CLASP1: variants seen among roughly 807,000 people sequenced by gnomAD.
CLASP1 encodes the protein CLIP-associating protein 1.
A neutral mutation model predicts 192.3 loss-of-function variants in CLASP1; 38 were observed. That is an observed-to-expected ratio of 0.20 (90% CI 0.15 to 0.26). The LOEUF is 0.26. Among genes scored for constraint, CLASP1 ranks in the 10% least tolerant of loss-of-function variants. The pLI, the probability that CLASP1 is intolerant of heterozygous loss-of-function variation, is 1.00. For missense variants in CLASP1, 1,433 were observed against 1,932.5 expected (o/e 0.74, Z 4.85); for synonymous variants, 691 against 712.8 (o/e 0.97, Z 0.49).
At chr2:121,596,341 C>T (rs960137114) in intron 2 of CLASP1, among the ~76,000 whole-genome samples, 1 of 152,198 alleles carries the variant, frequency 6.6e-6, no homozygotes. Flanking sequence ...AAAAAATGGA[C>T]AGTCTCTGAA....
Position 121,460,132 on chromosome 2 carries a change from G to T in CLASP1, c.1033-7C>A, listed in dbSNP as rs774919128. On this transcript the variant is annotated splice_polypyrimidine_tract_variant and splice_region_variant and intron_variant, in intron 11 of 39. Coordinates refer to ENST00000263710, the Ensembl canonical transcript of CLASP1. ...AAGATCTAATCTTTTTTAGCTAATGGAATAGAGAAAATTCAGAAAAATAGA... is the reference window on the plus strand; with the variant it reads ...AAGATCTAATCTTTTTTAGCTAATGTAATAGAGAAAATTCAGAAAAATAGA... 10 of 1,602,658 alleles carry T rather than the reference G, an allele frequency of 6.2e-6. No individual in the cohort carries two copies. The South Asian group carries it at 1.0e-4, about 16-fold the overall frequency.
chr2:121,501,273 A>G (rs1383318227), intron 8 of CLASP1, among the ~76,000 whole-genome samples: 3 of 152,212 alleles, frequency 2.0e-5, no homozygotes, highest in African/African-American at 7.2e-5. Flanking sequence ...CACAAATGAC[A>G]CAAATACACC....
chr2:121,412,144 T>C (rs917513203), intron 23 of CLASP1, among the ~76,000 whole-genome samples: 1 of 152,200 alleles, frequency 6.6e-6, no homozygotes, highest in African/African-American at 2.4e-5. Context: ...TGAATTGTTA[T>C]TTAGCTTTTT....
At chr2:121,564,370 T>A (rs923532000) in intron 2 of CLASP1, among the ~76,000 whole-genome samples, 1 of 152,238 alleles carries the variant, frequency 6.6e-6, no homozygotes, top group Non-Finnish European at 1.5e-5. Context: ...TCTCATATCA[T>A]GACTAAAATG....
At chr2:121,444,428 A>G (rs2083949323) in intron 19 of CLASP1, among the ~76,000 whole-genome samples, 1 of 152,210 alleles carries the variant, frequency 6.6e-6, no homozygotes, top group Non-Finnish European at 1.5e-5. Flanking sequence ...TAGAGGAGAG[A>G]AAAATATATT....
chr2:121,620,037 C>A (rs934505269), intron 1 of CLASP1, among the ~76,000 whole-genome samples: 10 of 152,062 alleles, frequency 6.6e-5, no homozygotes, highest in African/African-American at 2.4e-4. Flanking sequence ...GTCTGGCCAA[C>A]ATAGCGAAAC....
intron 9 of CLASP1, among the ~76,000 whole-genome samples, chr2:121,464,256 T>C (rs1356592896): frequency 6.6e-6 from 1 of 151,994 alleles, no homozygotes; most frequent in Non-Finnish European, 1.5e-5. Flanking sequence ...TGTTGGACAT[T>C]TGGGTTGGTT....
chr2:121,382,181 A>G, intron 33 of CLASP1, 27 bp downstream of exon 34: 1 of 1,544,268 alleles, frequency 6.5e-7, no homozygotes, highest in Non-Finnish European at 8.9e-7. Context: ...GTGACACCTC[A>G]GACAAGTTTG....
At chr2:121,441,764 T>G (rs2083390433) in intron 19 of CLASP1, among the ~76,000 whole-genome samples, 1 of 152,102 alleles carries the variant, frequency 6.6e-6, no homozygotes, top group Admixed American at 6.6e-5. Flanking sequence ...AAAAATTTCC[T>G]TCATATTTTA....
chr2:121,471,406 C>T (rs2090704671), intron 8 of CLASP1, among the ~76,000 whole-genome samples: 6 of 152,100 alleles, frequency 3.9e-5, no homozygotes, highest in Admixed American at 2.6e-4. Context: ...AAACAAAGAA[C>T]TTAAGAGTAA....
chr2:121,555,554 A>G (rs2058470342), intron 2 of CLASP1, among the ~76,000 whole-genome samples: 1 of 152,222 alleles, frequency 6.6e-6, no homozygotes, highest in African/African-American at 2.4e-5. Context: ...AAGAATGTAA[A>G]TATCATGAAC....
chr2:121,450,764 T>C, intron 16 of CLASP1, 149 bp downstream of exon 16: 1 of 581,788 alleles, frequency 1.7e-6, no homozygotes, highest in Non-Finnish European at 3.1e-6. Flanking sequence ...AAGAGAGAAA[T>C]ATTCCAAAAT....
chr2:121,372,870 C>T (rs1182580844), intron 34 of CLASP1, among the ~76,000 whole-genome samples: 2 of 152,160 alleles, frequency 1.3e-5, no homozygotes, highest in Non-Finnish European at 2.9e-5. Flanking sequence ...CTCCTCATGC[C>T]CACTCTTCTC....
intron 39 of CLASP1, among the ~76,000 whole-genome samples, chr2:121,343,943 C>T (rs555774601): frequency 9.3e-4 from 142 of 152,108 alleles, no homozygotes; most frequent in Non-Finnish European, 1.4e-3. Context: ...TGGTGGCAGG[C>T]GCCTATAATC....
intron 33 of CLASP1, among the ~76,000 whole-genome samples, chr2:121,378,494 T>G (rs929070560): frequency 6.6e-6 from 1 of 152,106 alleles, no homozygotes; most frequent in African/African-American, 2.4e-5. Flanking sequence ...TGTCAACAAG[T>G]GCCTTTTAGA....
chr2:121,363,238 T>C (rs2066747256), exon 37 of CLASP1: 2 of 1,613,820 alleles, frequency 1.2e-6, no homozygotes, highest in African/African-American at 1.3e-5. Flanking sequence ...AGTTTTTAAA[T>C]CTTGCTGGTT....
intron 2 of CLASP1, among the ~76,000 whole-genome samples, chr2:121,595,672 C>G (rs2063048331): frequency 2.0e-5 from 3 of 152,216 alleles, no homozygotes; most frequent in Non-Finnish European, 4.4e-5. Flanking sequence ...TGCTGCTCTA[C>G]TCAGGGACTT....
intron 8 of CLASP1, among the ~76,000 whole-genome samples, chr2:121,475,466 A>T (rs1157557097): frequency 6.6e-6 from 1 of 152,190 alleles, no homozygotes; most frequent in Admixed American, 6.5e-5. Context: ...CTGGGCAAAT[A>T]AGCTGTATCT....
chr2:121,462,928 G>A (rs1212008023), intron 9 of CLASP1, among the ~76,000 whole-genome samples: 1 of 152,008 alleles, frequency 6.6e-6, no homozygotes, highest in Admixed American at 6.6e-5. Context: ...CCTAATAAAT[G>A]GATCAAGCAG....
Sources: gnomAD v4.1 joint callset for allele counts (sites outside exome capture counted in the v4.1 genomes callset) on GRCh38, gnomAD v4.1.1 for gene constraint, MANE v1.5 for transcripts, NCBI Gene and HGNC (gene_info 2026-07-23, HGNC 2026-07-21) for gene names.